Variants in SEMA3A observed in about 807,000 individuals in gnomAD.
SEMA3A encodes semaphorin 3A.
Under a neutral mutation model 97.9 loss-of-function variants are expected in SEMA3A, and 29 were observed. The ratio of observed to expected loss-of-function variants is 0.30; its 90% CI spans 0.22 to 0.40. The LOEUF is 0.40. SEMA3A is among the 10% of genes least tolerant of loss of function. The pLI is 1.00. For synonymous variants in SEMA3A, 321 were observed against 323.7 expected (o/e 0.99, Z 0.09); for missense variants, 763 against 951.3 (o/e 0.80, Z 2.60).
At chr7:83,970,358 C>A (rs1788865504) in intron 15 of SEMA3A, among the ~76,000 whole-genome samples, 1 of 152,142 alleles carries the variant, frequency 6.6e-6, no homozygotes, top group Admixed American at 6.5e-5. Context: ...TGATATCCAT[C>A]ATTTGACCAG....
intron 1 of SEMA3A, among the ~76,000 whole-genome samples, chr7:84,138,823 G>A (rs367934170): frequency 3.3e-5 from 5 of 152,066 alleles, no homozygotes; most frequent in African/African-American, 7.2e-5. Context: ...ATTCTGGATT[G>A]CTTAGGTTAT....
At chr7:84,283,213 C>A (rs975666464) in intron 3 of SEMA3A, among the ~76,000 whole-genome samples, 1 of 151,818 alleles carries the variant, frequency 6.6e-6, no homozygotes, top group Admixed American at 6.6e-5. Context: ...CTCAGCACAC[C>A]CAACATCATA....
At chr7:84,047,860 A>G (rs1792414847) in intron 5 of SEMA3A, among the ~76,000 whole-genome samples, 1 of 152,014 alleles carries the variant, frequency 6.6e-6, no homozygotes, top group African/African-American at 2.4e-5. Context: ...GCAATGTAAA[A>G]TTTATATTCA....
chr7:84,051,276 A>G (rs1792634472), intron 5 of SEMA3A, among the ~76,000 whole-genome samples: 1 of 152,066 alleles, frequency 6.6e-6, no homozygotes, highest in African/African-American at 2.4e-5. Context: ...TGGGGATGGC[A>G]TTGAATCTAT....
At chr7:84,014,664 A>G (rs1317384387) in intron 6 of SEMA3A, among the ~76,000 whole-genome samples, 7 of 152,230 alleles carry the variant, frequency 4.6e-5, no homozygotes, top group Non-Finnish European at 1.0e-4. Context: ...AACTATAAGT[A>G]CTATCAAATA....
intron 1 of SEMA3A, among the ~76,000 whole-genome samples, chr7:84,413,019 C>T (rs1415301182): frequency 1.3e-5 from 2 of 148,888 alleles, no homozygotes; most frequent in Non-Finnish European, 3.0e-5. Context: ...AATTACTTTT[C>T]TATTTTTGGA....
At chr7:84,329,854 G>C (rs1801870801) in intron 2 of SEMA3A, among the ~76,000 whole-genome samples, 2 of 151,880 alleles carry the variant, frequency 1.3e-5, no homozygotes, top group Non-Finnish European at 2.9e-5. Context: ...CTTTCACATG[G>C]GGTCTCTCTG....
intron 2 of SEMA3A, among the ~76,000 whole-genome samples, chr7:84,358,397 C>G (rs1802626331): frequency 1.3e-5 from 2 of 152,122 alleles, no homozygotes; most frequent in Admixed American, 6.6e-5. Flanking sequence ...ATAGGGAATC[C>G]TTTCTCCATT....
intron 9 of SEMA3A, among the ~76,000 whole-genome samples, chr7:84,008,212 C>T (rs1311900137): frequency 6.6e-6 from 1 of 152,184 alleles, no homozygotes; most frequent in East Asian, 1.9e-4. Context: ...CATTTTATGG[C>T]AGGGCGCGGT....
intron 12 of SEMA3A, among the ~76,000 whole-genome samples, chr7:83,996,398 G>A (rs1481978662): frequency 6.7e-6 from 1 of 148,790 alleles, no homozygotes; most frequent in African/African-American, 2.5e-5. Context: ...CACTTCCCAG[G>A]TTCAAGCGAT....
At chr7:83,997,744 CTTT>C (rs745309176) in intron 12 of SEMA3A, among the ~76,000 whole-genome samples, 5 of 142,834 alleles carry the variant, frequency 3.5e-5, no homozygotes, top group Admixed American at 7.0e-5. Context: ...TGAAATTTTT[CTTT>C]TTTTTTTTTT....
chr7:84,323,878 C>A (rs920517552), intron 2 of SEMA3A, among the ~76,000 whole-genome samples: 22 of 152,148 alleles, frequency 1.4e-4, no homozygotes, highest in Admixed American at 3.3e-4. Flanking sequence ...TACATCTGCA[C>A]AATAGAAATA....
intron 3 of SEMA3A, among the ~76,000 whole-genome samples, chr7:84,279,485 A>G (rs907120441): frequency 1.3e-5 from 2 of 152,084 alleles, no homozygotes; most frequent in Non-Finnish European, 2.9e-5. Context: ...GAAGTTAAGG[A>G]AAGACTAAGG....
At chr7:84,467,665 A>C (rs370349267) in intron 1 of SEMA3A, among the ~76,000 whole-genome samples, 9 of 151,994 alleles carry the variant, frequency 5.9e-5, no homozygotes, top group African/African-American at 1.9e-4. Flanking sequence ...TCCCGTTTTC[A>C]ATGCATCCCA....
At chr7:84,063,213 C>T (rs1050251049) in intron 4 of SEMA3A, among the ~76,000 whole-genome samples, 27 of 151,500 alleles carry the variant, frequency 1.8e-4, no homozygotes, top group African/African-American at 5.8e-4. Flanking sequence ...AGGGTCCTGT[C>T]TGTTAGAAGG....
At chr7:84,010,222 G>A (rs1790825258) in intron 9 of SEMA3A, among the ~76,000 whole-genome samples, 2 of 152,094 alleles carry the variant, frequency 1.3e-5, no homozygotes, top group African/African-American at 4.8e-5. Context: ...TTTACACTAT[G>A]TAAAGTGTCT....
At chr7:84,119,533 G>A (rs1795538554) in intron 3 of SEMA3A, among the ~76,000 whole-genome samples, 3 of 152,128 alleles carry the variant, frequency 2.0e-5, no homozygotes. Flanking sequence ...TAGTGTTATT[G>A]CACAAATGAT....
At chr7:84,488,419 C>A (rs540964054) in intron 1 of SEMA3A, among the ~76,000 whole-genome samples, 44 of 151,922 alleles carry the variant, frequency 2.9e-4, no homozygotes, top group African/African-American at 1.0e-3. Flanking sequence ...AAAACAAATA[C>A]CCAGATAGTC....
At chr7:84,441,900 CAAAA>C (rs1805283490) in intron 1 of SEMA3A, among the ~76,000 whole-genome samples, 2 of 152,012 alleles carry the variant, frequency 1.3e-5, no homozygotes. Context: ...AAAAAACAAA[CAAAA>C]CAAAACAAAT....
Sources: gnomAD v4.1 joint callset for allele counts (sites outside exome capture counted in the v4.1 genomes callset) on GRCh38, gnomAD v4.1.1 for gene constraint, MANE v1.5 for transcripts, NCBI Gene and HGNC (gene_info 2026-07-23, HGNC 2026-07-21) for gene names.